The following YTHDC2 variants were observed in gnomAD, a reference collection of about 807,000 sequenced individuals.
YTHDC2 encodes the protein 3'-5' RNA helicase YTHDC2.
In YTHDC2, 45 loss-of-function variants were observed where a neutral mutation model predicts 174.9. The ratio of observed to expected loss-of-function variants is 0.26; its 90% CI spans 0.20 to 0.33. The LOEUF (loss-of-function observed/expected upper bound fraction) is 0.33. Among genes scored for constraint, YTHDC2 ranks in the 10% least tolerant of loss-of-function variants. The pLI is 1.00. For synonymous variants in YTHDC2, 657 were observed against 574.5 expected (o/e 1.14, Z -2.05); for missense variants, 1,650 against 1,723.7 (o/e 0.96, Z 0.76).
At chr5:113,578,950 A>T in intron 23 of YTHDC2, among the ~76,000 whole-genome samples, 1 of 152,090 alleles carries the variant, frequency 6.6e-6, no homozygotes, top group Admixed American at 6.5e-5. Context: ...TATCAATTTC[A>T]TATTTTATAA....
At chr5:113,567,511 A>C (rs1238754091) in intron 22 of YTHDC2, 143 bp from the exon 23 acceptor site, 2 of 718,242 alleles carry the variant, frequency 2.8e-6, no homozygotes, top group South Asian at 5.4e-5. Context: ...TACGAACTAC[A>C]TGAGCGATGA....
intron 12 of YTHDC2, 101 bp downstream of exon 12, chr5:113,549,121 T>C (rs1776080029): frequency 9.3e-6 from 9 of 972,490 alleles, no homozygotes; most frequent in Non-Finnish European, 1.0e-5. Flanking sequence ...TTATAGTCTT[T>C]TATCCAGAGA....
Position 113,579,575 on chromosome 5 carries a change from T to C in YTHDC2, c.3245-11T>C. ...TAAAAGTGATTTTTTTTTCATTATG[T>C]ACTTGGACAGTGGATGGCATTCCCA... is the stretch of plus-strand genomic sequence containing the variant. On this transcript the variant is annotated splice_polypyrimidine_tract_variant and intron_variant, in intron 23 of 29. Transcript: ENST00000161863. The C allele has an allele frequency of 6.3e-7, 1 of 1,586,086 alleles. No individual in the cohort carries two copies. Among genetic ancestry groups the C allele is most frequent in the Non-Finnish European group, 8.6e-7 (1 of 1,166,790 alleles).
intron 24 of YTHDC2, 60 bp from the exon 25 acceptor site, chr5:113,581,357 A>G (rs1778391419): frequency 1.4e-6 from 2 of 1,452,514 alleles, no homozygotes; most frequent in African/African-American, 2.9e-5. Context: ...AAACTAATCA[A>G]CACATAGGTG....
intron 26 of YTHDC2, among the ~76,000 whole-genome samples, chr5:113,589,240 T>C (rs1778855624): frequency 6.6e-6 from 1 of 151,706 alleles, no homozygotes; most frequent in South Asian, 2.1e-4. Flanking sequence ...CTTCATTTTT[T>C]TCAGTCATTT....
At chr5:113,541,864 T>C (rs1775501875) in intron 9 of YTHDC2, among the ~76,000 whole-genome samples, 1 of 152,116 alleles carries the variant, frequency 6.6e-6, no homozygotes. Flanking sequence ...TATAGACTTA[T>C]TTGGGTCATG....
intron 4 of YTHDC2, among the ~76,000 whole-genome samples, chr5:113,531,466 G>A (rs1480382026): frequency 6.6e-6 from 1 of 152,090 alleles, no homozygotes; most frequent in Admixed American, 6.5e-5. Flanking sequence ...GAGCAATTAT[G>A]TGGTCCTAAG....
intron 7 of YTHDC2, among the ~76,000 whole-genome samples, chr5:113,536,710 A>G (rs1217455942): frequency 6.6e-6 from 1 of 152,158 alleles, no homozygotes; most frequent in Non-Finnish European, 1.5e-5. Flanking sequence ...ATGTATGCAA[A>G]TATATACGTA....
At chr5:113,581,267 A>T in intron 24 of YTHDC2, 150 bp from the exon 25 acceptor site, 1 of 619,204 alleles carries the variant, frequency 1.6e-6, no homozygotes, top group Non-Finnish European at 2.5e-6. Context: ...TATTTCATTC[A>T]TGCATTAAAA....
chr5:113,556,594 G>A (rs755794501), intron 17 of YTHDC2, among the ~76,000 whole-genome samples: 1 of 152,130 alleles, frequency 6.6e-6, no homozygotes, highest in African/African-American at 2.4e-5. Context: ...GCAAATTAAT[G>A]AGGTATTATT....
In YTHDC2 at chr5:113,594,615, T is replaced by G. The variant is rs1043468481; in HGVS notation, c.*1141T>G. On this transcript the variant is annotated 3_prime_UTR_variant, in exon 30 of 30. Transcript: ENST00000161863. Reference sequence around the variant, plus strand: ...GAATTATCTTTTTACCACCACTGTTTATAAAATTTCCTTAGAGACTTTTTG... The same window carrying G: ...GAATTATCTTTTTACCACCACTGTTGATAAAATTTCCTTAGAGACTTTTTG... 2 of 152,304 alleles carry G rather than the reference T, an allele frequency of 1.3e-5. No individual in the cohort carries two copies. The highest frequency in any genetic ancestry group is 4.1e-4 in the South Asian group (2 of 4,826). The allele number at this position is 152,304 out of a possible 1,614,324, so 9.4% of individuals were successfully genotyped here.
chr5:113,526,573 T>C lies in YTHDC2; in HGVS notation c.476-13T>C. The C allele has an allele frequency of 6.5e-7, 1 of 1,543,098 alleles. No individual in the cohort carries two copies. The highest frequency in any genetic ancestry group is 1.3e-5 in the South Asian group (1 of 79,432). On this transcript the variant is annotated splice_polypyrimidine_tract_variant and intron_variant, in intron 3 of 29. Transcript: ENST00000161863. Reference sequence around the variant, plus strand: ...TGATCATACATTTTTTGTTCTTTTATTCATTTTCAAAGAAAACCGGGAAAT... The same window carrying C: ...TGATCATACATTTTTTGTTCTTTTACTCATTTTCAAAGAAAACCGGGAAAT...
chr5:113,522,482 A>G (rs1773944958), intron 2 of YTHDC2, among the ~76,000 whole-genome samples: 1 of 152,088 alleles, frequency 6.6e-6, no homozygotes, highest in African/African-American at 2.4e-5. Flanking sequence ...CTGTAATTTT[A>G]TTACATTTAC....
rs78345846 is a variant in YTHDC2 at position 113,594,537 on chromosome 5, T to G, written c.*1063T>G. ...ATGGTTTAATAAATGGGGGATAATT[T>G]TTTTTTTGTAAATCCGTGCTTGTGC... On this transcript the variant is annotated 3_prime_UTR_variant, in exon 30 of 30. Coordinates refer to ENST00000161863, the MANE Select transcript of YTHDC2 (RefSeq NM_022828.5). 6.6e-6 allele frequency: 1 copy of G among 152,284 alleles called. No homozygotes were observed. The highest frequency in any genetic ancestry group is 1.9e-4 in the East Asian group (1 of 5,188). 9.4% of individuals were successfully genotyped at this position (152,284 alleles called of 1,614,324 possible).
intron 23 of YTHDC2, among the ~76,000 whole-genome samples, chr5:113,576,815 A>T (rs1162689691): frequency 7.1e-6 from 1 of 140,512 alleles, no homozygotes; most frequent in African/African-American, 3.0e-5. Context: ...GTTTAAGTCA[A>T]TCTATTATTC....
chr5:113,569,311 TA>T (rs1777563719), intron 23 of YTHDC2, among the ~76,000 whole-genome samples: 2 of 152,214 alleles, frequency 1.3e-5, no homozygotes, highest in Non-Finnish European at 2.9e-5. Flanking sequence ...CCTCTGATGA[TA>T]GTTGTTTCTT....
Position 113,535,660 on chromosome 5 carries a change from G to C in YTHDC2, c.964G>C (p.Asp322His). ...HVIVDEVHER[D>H]RFSDFLLTKL... ...ACTATAGGATGAAGTGCATGAAAGG[G>C]ATCGATTTAGTGATTTTTTACTTAC... is the stretch of plus-strand genomic sequence containing the variant. The change falls in exon 7 of 30, where the codon GAT becomes CAT. Residue 322 changes from aspartate (D) to histidine (H), a missense_variant. Transcript: ENST00000161863. The C allele has an allele frequency of 5.6e-6, 9 of 1,613,020 alleles. No individual in the cohort carries two copies. The highest frequency in any genetic ancestry group is 5.9e-6 in the Non-Finnish European group (7 of 1,179,596).
chr5:113,591,154 T>A lies in YTHDC2; in HGVS notation c.3939T>A (p.Thr1313=), dbSNP rs1452865910. Residue 1313 remains threonine, a synonymous_variant, in exon 27 of 30, where the codon ACT becomes ACA. Transcript: ENST00000161863. ...AACAGAAGGGTATCTGGTCTACAAC[T>A]CCTAGTAATGAACGGAAGCTAAATC... The part of the protein sequence containing the change: ...ISQQKGIWST[T]PSNERKLNRA... 1 of 1,613,852 alleles carries A rather than the reference T, an allele frequency of 6.2e-7. No homozygotes were observed. The highest frequency in any genetic ancestry group is 8.5e-7 in the Non-Finnish European group (1 of 1,179,910).
At chr5:113,564,211 A>C (rs1053033575) in intron 20 of YTHDC2, 80 bp downstream of exon 20, 21 of 1,392,008 alleles carry the variant, frequency 1.5e-5, no homozygotes, top group Non-Finnish European at 1.9e-5. Context: ...TTTTAAAAAT[A>C]ATTTATAAAT....
Sources: gnomAD v4.1 joint callset for allele counts (sites outside exome capture counted in the v4.1 genomes callset) on GRCh38, gnomAD v4.1.1 for gene constraint, MANE v1.5 for transcripts, NCBI Gene and HGNC (gene_info 2026-07-23, HGNC 2026-07-21) for gene names.